CACNB2: variants seen among roughly 807,000 people sequenced by gnomAD.
The protein encoded by CACNB2 is voltage-dependent L-type calcium channel subunit beta-2.
In CACNB2, 42 loss-of-function variants were observed where a neutral mutation model predicts 73.3. The ratio of observed to expected loss-of-function variants is 0.57; its 90% CI spans 0.45 to 0.74. CACNB2 has a LOEUF of 0.74. CACNB2 is among the 30% of genes least tolerant of loss of function. CACNB2 has a pLI of 0.00. For missense variants in CACNB2, 940 were observed against 853.0 expected, an observed-to-expected ratio of 1.10 and a Z score of -1.27; for synonymous variants, 348 against 310.3, an observed-to-expected ratio of 1.12 and a Z score of -1.28.
At chr10:18,178,801 C>A (rs1194232514) in intron 2 of CACNB2, among the ~76,000 whole-genome samples, 1 of 152,170 alleles carries the variant, frequency 6.6e-6, no homozygotes, top group Non-Finnish European at 1.5e-5. Context: ...CTGCCATTAG[C>A]AAGTTTGTTT....
chr10:18,230,397 A>T (rs2036180444), intron 2 of CACNB2, among the ~76,000 whole-genome samples: 1 of 152,094 alleles, frequency 6.6e-6, no homozygotes, highest in South Asian at 2.1e-4. Context: ...TTGTACTGTT[A>T]TTAAACACAT....
intron 9 of CACNB2, among the ~76,000 whole-genome samples, chr10:18,527,252 T>G (rs1185944869): frequency 6.6e-6 from 1 of 152,138 alleles, no homozygotes; most frequent in African/African-American, 2.4e-5. Flanking sequence ...GGCACACACC[T>G]GTAGTCCCAG....
At chr10:18,519,088 A>G (rs2051572692) in intron 9 of CACNB2, 120 bp downstream of exon 9, 3 of 821,336 alleles carry the variant, frequency 3.7e-6, no homozygotes, top group Non-Finnish European at 4.3e-6. Context: ...ATGACAGGAA[A>G]CAAGTTTCAC....
intron 4 of CACNB2, among the ~76,000 whole-genome samples, chr10:18,500,478 C>T (rs975085450): frequency 1.3e-5 from 2 of 152,134 alleles, no homozygotes; most frequent in East Asian, 3.9e-4. Flanking sequence ...TGTAACAGTA[C>T]TTCCTAAAGA....
intron 3 of CACNB2, among the ~76,000 whole-genome samples, chr10:18,475,169 A>C (rs2048377452): frequency 1.3e-5 from 2 of 151,770 alleles, no homozygotes; most frequent in African/African-American, 2.4e-5. Context: ...CCACCCTTCC[A>C]GCACGGCCCT....
intron 2 of CACNB2, among the ~76,000 whole-genome samples, chr10:18,247,298 C>T (rs2036904182): frequency 6.6e-6 from 1 of 152,188 alleles, no homozygotes; most frequent in African/African-American, 2.4e-5. Flanking sequence ...GACATCGTAT[C>T]TTTTTCCTTG....
At chr10:18,419,869 A>T (rs11014166) in intron 3 of CACNB2, among the ~76,000 whole-genome samples, 40,676 of 152,138 alleles carry the variant, frequency 0.27, 6,112 homozygotes, top group Middle Eastern at 0.4. Context: ...TTATTTTCCT[A>T]TGTTAATATT....
intron 2 of CACNB2, among the ~76,000 whole-genome samples, chr10:18,180,524 A>G (rs982723205): frequency 5.3e-5 from 8 of 151,090 alleles, no homozygotes; most frequent in African/African-American, 2.0e-4. Context: ...GCAGAGGTCA[A>G]CCTCCCTGAT....
chr10:18,507,077 A>G (rs1432729435), intron 6 of CACNB2, among the ~76,000 whole-genome samples: 1 of 152,164 alleles, frequency 6.6e-6, no homozygotes, highest in Non-Finnish European at 1.5e-5. Flanking sequence ...GGGTTTACAG[A>G]TGTAAGCCAC....
intron 3 of CACNB2, among the ~76,000 whole-genome samples, chr10:18,496,605 G>C (rs1589545898): frequency 6.6e-6 from 1 of 151,926 alleles, no homozygotes. Flanking sequence ...CTGAGGTCAG[G>C]AGTTCAAGAC....
rs1392503203 is a variant in CACNB2, at chr10:18,392,634, C to CGT, written c.214-9288_214-9287dup. Among the ~76,000 whole-genome samples the CGT allele has an allele frequency of 6.6e-5, 10 of 152,228 alleles. No individual in the cohort carries two copies. The Middle Eastern group carries it at 0.01, about 155-fold the overall frequency. On this transcript the variant is annotated intron_variant, in intron 2 of 13. Coordinates refer to ENST00000324631, the MANE Select transcript of CACNB2 (RefSeq NM_201596.3). ...TTTCTTAGGAAGAGAGAAATAATCA[C>CGT]GTGAGTTTGCTGATTCAAATGATTC...
At chr10:18,486,555 G>C (rs1343647353) in intron 3 of CACNB2, among the ~76,000 whole-genome samples, 1 of 152,172 alleles carries the variant, frequency 6.6e-6, no homozygotes, top group Non-Finnish European at 1.5e-5. Flanking sequence ...GTTTCCTTTG[G>C]ATGTGAGAAA....
intron 2 of CACNB2, among the ~76,000 whole-genome samples, chr10:18,335,337 C>T (rs537646860): frequency 2.6e-5 from 4 of 152,214 alleles, no homozygotes; most frequent in South Asian, 4.1e-4. Context: ...CGCTTTGGGA[C>T]GCCAAGGTGG....
chr10:18,401,617 T>G (rs2044001794), intron 2 of CACNB2, among the ~76,000 whole-genome samples: 1 of 152,206 alleles, frequency 6.6e-6, no homozygotes, highest in African/African-American at 2.4e-5. Context: ...ATCGTTGTCC[T>G]TCAGTTCTGC....
At chr10:18,362,279 T>G (rs376559303) in intron 2 of CACNB2, among the ~76,000 whole-genome samples, 2 of 152,378 alleles carry the variant, frequency 1.3e-5, no homozygotes, top group South Asian at 2.1e-4. Flanking sequence ...CAACTTAATT[T>G]GTATTTCTAA....
chr10:18,505,468 C>G (rs2050438008), intron 5 of CACNB2, among the ~76,000 whole-genome samples: 1 of 152,116 alleles, frequency 6.6e-6, no homozygotes. Flanking sequence ...CATTAAAATG[C>G]TAGAACAGTA....
intron 2 of CACNB2, among the ~76,000 whole-genome samples, chr10:18,170,836 A>G (rs1039279527): frequency 1.3e-5 from 2 of 152,264 alleles, no homozygotes; most frequent in African/African-American, 4.8e-5. Flanking sequence ...ACAATACTAG[A>G]CATCTTAGAG....
chr10:18,175,432 T>G (rs1283851547), intron 2 of CACNB2, among the ~76,000 whole-genome samples: 1 of 152,070 alleles, frequency 6.6e-6, no homozygotes. Context: ...GCGTATTGGG[T>G]CAGAATAAAA....
rs190114665 is a variant in CACNB2, at chr10:18,173,086, A to G, written c.213+22111A>G. On this transcript the variant is annotated intron_variant, in intron 2 of 13. Transcript: ENST00000324631. ...CAGGAGTGCACAACCATGACTGGCT[A>G]ATTTTGTGTTTTTAGTAGAGATGGG... 1.8e-4 allele frequency among the ~76,000 whole-genome samples: 27 copies of G among 151,984 alleles called. No homozygotes were observed. In the East Asian group the frequency reaches 5.2e-3, roughly 29 times the overall value.
Sources: gnomAD v4.1 joint callset for allele counts (sites outside exome capture counted in the v4.1 genomes callset) on GRCh38, gnomAD v4.1.1 for gene constraint, MANE v1.5 for transcripts, NCBI Gene and HGNC (gene_info 2026-07-23, HGNC 2026-07-21) for gene names.